ZMYND8: variants seen among roughly 807,000 people sequenced by gnomAD.
The protein encoded by ZMYND8 is MYND-type zinc finger-containing chromatin reader ZMYND8.
In ZMYND8, 37 loss-of-function variants were observed where a neutral mutation model predicts 140.8. The ratio of observed to expected loss-of-function variants is 0.26; its 90% CI spans 0.20 to 0.35. The LOEUF is 0.35. Among genes scored for constraint, ZMYND8 ranks in the 10% least tolerant of loss-of-function variants. ZMYND8 has a pLI of 1.00. For synonymous variants in ZMYND8, 592 were observed against 597.1 expected (o/e 0.99, Z 0.12); for missense variants, 1,068 against 1,570.0 (o/e 0.68, Z 5.40).
chr20:47,251,803 G>A (rs149502864), intron 12 of ZMYND8, among the ~76,000 whole-genome samples: 9 of 139,416 alleles, frequency 6.5e-5, no homozygotes, highest in African/African-American at 1.6e-4. Flanking sequence ...CCGCCGCACC[G>A]TCTGGGAAGT....
intron 2 of ZMYND8, among the ~76,000 whole-genome samples, chr20:47,322,517 T>A (rs2080051661): frequency 6.7e-6 from 1 of 148,662 alleles, no homozygotes; most frequent in Middle Eastern, 3.2e-3. Flanking sequence ...CTTGGCTCAC[T>A]GCGACCTCCG....
In ZMYND8 at chr20:47,239,081, G is replaced by A. The variant is rs552048788; in HGVS notation, c.2342C>T (p.Pro781Leu). ...TVGSHSPPET[P>L]VLTRSSAQTS... Reference sequence around the variant, plus strand: ...TTGGGCGGAAGAGCGGGTGAGCACCGGTGTTTCCGGGGGAGAATGGCTGCC... The same window carrying A: ...TTGGGCGGAAGAGCGGGTGAGCACCAGTGTTTCCGGGGGAGAATGGCTGCC... Residue 781 changes from proline (P) to leucine (L), a missense_variant, in exon 15 of 23, where the codon CCG becomes CTG. Physicochemically the swap from Pro to Leu is moderately conservative, Grantham distance 98. This residue lies in a region of ZMYND8 where 383 missense variants were observed against 431.2 expected (regional missense o/e 0.89). Transcript: ENST00000471951. 7.8e-6 allele frequency: 12 copies of A among 1,538,858 alleles called. No homozygotes were observed. Among genetic ancestry groups the A allele is most frequent in the East Asian group, 2.3e-5 (1 of 44,162 alleles).
At chr20:47,242,211 G>A (rs980120059) in intron 14 of ZMYND8, among the ~76,000 whole-genome samples, 1 of 152,204 alleles carries the variant, frequency 6.6e-6, no homozygotes, top group African/African-American at 2.4e-5. Context: ...TGGGTTTTAA[G>A]AAGCCAAGGA....
At position 47,210,523 on chromosome 20, in the gene ZMYND8, A is replaced by G; in HGVS notation, c.*238T>C. 1 of 488,778 alleles carries G rather than the reference A, an allele frequency of 2.0e-6. No individual in the cohort carries two copies. Among genetic ancestry groups the G allele is most frequent in the East Asian group, 3.2e-5 (1 of 31,484 alleles). The allele number at this position is 488,778 out of a possible 1,614,324, so 30.3% of individuals were successfully genotyped here. A position where few individuals can be genotyped will look rare whatever the true frequency, so the allele number is the denominator to read the frequency against. Reference sequence around the variant, plus strand: ...TCCTCTAGATTCAATGACATCCACAAATTGTACATTATTTACACCAAAAGC... The same window carrying G: ...TCCTCTAGATTCAATGACATCCACAGATTGTACATTATTTACACCAAAAGC... On this transcript the variant is annotated 3_prime_UTR_variant, in exon 23 of 23. Coordinates refer to ENST00000471951, the MANE Select transcript of ZMYND8 (RefSeq NM_001281775.3).
intron 3 of ZMYND8, among the ~76,000 whole-genome samples, chr20:47,305,468 T>C (rs1390469973): frequency 1.3e-5 from 2 of 151,414 alleles, no homozygotes; most frequent in Admixed American, 1.3e-4. Flanking sequence ...CTCGAACTCC[T>C]GGCCTCAGGT....
At chr20:47,252,764 T>C (rs183978727) in intron 12 of ZMYND8, among the ~76,000 whole-genome samples, 1 of 151,604 alleles carries the variant, frequency 6.6e-6, no homozygotes, top group East Asian at 2.0e-4. Flanking sequence ...ACTAAAAATA[T>C]GAAAATTAGC....
intron 16 of ZMYND8, among the ~76,000 whole-genome samples, chr20:47,230,898 C>T (rs1285000049): frequency 6.6e-6 from 1 of 152,178 alleles, no homozygotes; most frequent in Non-Finnish European, 1.5e-5. Flanking sequence ...TTCTGTCTCT[C>T]CACATTTGCT....
chr20:47,349,877 G>C, intron 1 of ZMYND8: 1 of 1,535,668 alleles, frequency 6.5e-7, no homozygotes, highest in Middle Eastern at 1.7e-4. Context: ...GATTTCTGCA[G>C]CGATGAAAAC....
chr20:47,307,923 G>A (rs1356579568), intron 3 of ZMYND8, among the ~76,000 whole-genome samples: 2 of 151,856 alleles, frequency 1.3e-5, no homozygotes, highest in Non-Finnish European at 2.9e-5. Flanking sequence ...TTCGAGACCA[G>A]CCTGGCCAAA....
At chr20:47,350,950 T>C (rs1297423434) in intron 1 of ZMYND8, among the ~76,000 whole-genome samples, 1 of 152,222 alleles carries the variant, frequency 6.6e-6, no homozygotes, top group African/African-American at 2.4e-5. Flanking sequence ...ATACATTGTA[T>C]ACACCACCAC....
intron 22 of ZMYND8, 81 bp from the exon 23 acceptor site, chr20:47,210,978 C>T: frequency 6.5e-7 from 1 of 1,549,896 alleles, no homozygotes; most frequent in Non-Finnish European, 8.8e-7. Flanking sequence ...ACCTGCCCCT[C>T]CTGCACAGGA....
intron 2 of ZMYND8, among the ~76,000 whole-genome samples, chr20:47,342,062 C>G (rs2081942712): frequency 6.6e-6 from 1 of 151,518 alleles, no homozygotes; most frequent in African/African-American, 2.4e-5. Context: ...GTCCCAGCTG[C>G]TCAGGAGGCT....
At chr20:47,350,000 G>A (rs2082641313) in intron 1 of ZMYND8, 2 of 1,496,194 alleles carry the variant, frequency 1.3e-6, no homozygotes, top group Non-Finnish European at 1.8e-6. Flanking sequence ...TGAGAGACGA[G>A]GAAAATGCAA....
chr20:47,330,361 CTTTTTTTTT>C lies in ZMYND8; in HGVS notation c.85+17486_85+17494del, dbSNP rs111831182. ...CAAGCCACCATGCCTGGGTTTTTTG[CTTTTTTTTT>C]TTTTTTTTTTTGTAGGAACGGGTGG... On this transcript the variant is annotated intron_variant, in intron 2 of 22. Transcript: ENST00000471951. 1.2e-4 allele frequency among the ~76,000 whole-genome samples: 14 copies of C among 118,898 alleles called. No homozygotes were observed. The East Asian group carries it at 2.4e-3, about 20-fold the overall frequency. The allele number at this position is 118,898 out of a possible 152,430, so 78.0% of individuals were successfully genotyped here.
At chr20:47,270,314 A>G (rs529801169) in intron 11 of ZMYND8, among the ~76,000 whole-genome samples, 1 of 147,960 alleles carries the variant, frequency 6.8e-6, no homozygotes, top group Admixed American at 6.9e-5. Flanking sequence ...TAGAGTTTAC[A>G]GTGAGCCAAG....
chr20:47,292,614 T>G (rs981363889), intron 5 of ZMYND8, among the ~76,000 whole-genome samples: 1 of 152,182 alleles, frequency 6.6e-6, no homozygotes, highest in Non-Finnish European at 1.5e-5. Flanking sequence ...TTCTTTTTTT[T>G]TTAAAGATAT....
At chr20:47,259,278 A>C (rs181956945) in intron 12 of ZMYND8, among the ~76,000 whole-genome samples, 238 of 152,332 alleles carry the variant, frequency 1.6e-3, no homozygotes, top group Middle Eastern at 6.8e-3. Flanking sequence ...CCAAGGAAGC[A>C]CGTGTGTCCC....
chr20:47,290,954 C>T (rs901898109), intron 6 of ZMYND8, among the ~76,000 whole-genome samples: 2 of 152,068 alleles, frequency 1.3e-5, no homozygotes, highest in African/African-American at 2.4e-5. Flanking sequence ...ACACAAACCT[C>T]ACAATAATTT....
intron 15 of ZMYND8, among the ~76,000 whole-genome samples, chr20:47,236,998 C>G: frequency 6.6e-6 from 1 of 152,154 alleles, no homozygotes; most frequent in East Asian, 1.9e-4. Flanking sequence ...TCCAGTCACC[C>G]CTGTACAAAT....
Sources: allele counts gnomAD v4.1 joint callset (sites outside exome capture counted in the v4.1 genomes callset), GRCh38; gene constraint gnomAD v4.1.1; regional missense constraint gnomAD v4.1.1; transcripts MANE v1.5; gene names NCBI Gene and HGNC (gene_info 2026-07-23, HGNC 2026-07-21).